Variants in PYGL observed in about 807,000 individuals in gnomAD.
The protein encoded by PYGL is glycogen phosphorylase, liver form.
A neutral mutation model predicts 100.1 loss-of-function variants in PYGL; 90 were observed. The ratio of observed to expected loss-of-function variants is 0.90; its 90% confidence interval spans 0.76 to 1.07. The LOEUF (loss-of-function observed/expected upper bound fraction) is 1.07. Ranked by LOEUF, PYGL falls within the 50% of genes least tolerant of loss-of-function variation. The pLI, the probability that PYGL is intolerant of heterozygous loss-of-function variation, is 0.00. For synonymous variants in PYGL, 373 were observed against 393.0 expected (o/e 0.95, Z 0.60); for missense variants, 1,016 against 1,057.6 (o/e 0.96, Z 0.55).
In PYGL at chr14:50,908,286, C is replaced by G. The variant is rs757221675; in HGVS notation, c.2364G>C (p.Val788=). ...YEAYVKCQDK[V]SQLYMNPKAW... is the part of the protein sequence containing the mutation. ...ATTTACTCACCATGTACAGCTGACTCACTTTATCTTGACACTTGACATAGG... is the reference window on the plus strand; with the variant it reads ...ATTTACTCACCATGTACAGCTGACTGACTTTATCTTGACACTTGACATAGG... Residue 788 remains valine (V), a synonymous_variant, in exon 19 of 20, where the codon GTG becomes GTC. Coordinates refer to ENST00000216392, the MANE Select transcript of PYGL (RefSeq NM_002863.5). 6.3e-7 allele frequency: 1 copy of G among 1,598,394 alleles called. No homozygotes were observed. Among genetic ancestry groups the G allele is most frequent in the Non-Finnish European group, 8.6e-7 (1 of 1,165,722 alleles).
chr14:50,909,916 ACAT>A lies in PYGL; in HGVS notation c.2153_2155del (p.Asp718del), dbSNP rs1259573416. The A allele has an allele frequency of 1.2e-6, 2 of 1,614,068 alleles. No individual in the cohort carries two copies. The highest frequency in any genetic ancestry group is 2.7e-5 in the African/African-American group (2 of 74,926). ...TTACCCTTTCTTGTCCAAAGCAGCC[ACAT>A]CATCTATCCTCATGCCAAAGATGAA... On this transcript the variant is annotated inframe_deletion, in exon 17 of 20. Transcript: ENST00000216392.
chr14:50,935,075 A>G (rs1195939212), intron 3 of PYGL, 32 bp downstream of exon 3: 2 of 1,571,400 alleles, frequency 1.3e-6, no homozygotes, highest in Non-Finnish European at 1.8e-6. Flanking sequence ...TCAATCGGCC[A>G]GACAATATAA....
In PYGL at chr14:50,923,966, T is replaced by C. The variant is rs770244395; in HGVS notation, c.660+3A>G. On this transcript the variant is annotated splice_donor_region_variant and intron_variant, in intron 5 of 19. Transcript: ENST00000216392. Reference sequence around the variant, plus strand: ...ACGCTGGCTATACGAGCACTCTGAATACTTGAGTGTCAATCCACTTGGTCC... The same window carrying C: ...ACGCTGGCTATACGAGCACTCTGAACACTTGAGTGTCAATCCACTTGGTCC... The C allele has an allele frequency of 2.5e-6, 4 of 1,613,526 alleles. No individual in the cohort carries two copies. The highest frequency in any genetic ancestry group is 3.4e-6 in the Non-Finnish European group (4 of 1,179,442).
At chr14:50,915,178 C>CTTT (rs71121612) in intron 11 of PYGL, 158 bp downstream of exon 11, 38 of 791,440 alleles carry the variant, frequency 4.8e-5, no homozygotes, top group African/African-American at 1.3e-4. Flanking sequence ...CTTTTCTTTT[C>CTTT]TTTTTTTTTT....
rs1385869012 is a variant in PYGL, at chr14:50,918,399, G to A, written c.856-1294C>T. Among the ~76,000 whole-genome samples the A allele has an allele frequency of 2.6e-5, 4 of 152,174 alleles. 1 individual carries two copies. The highest frequency in any genetic ancestry group is 9.7e-5 in the African/African-American group (4 of 41,434). On this transcript the variant is annotated intron_variant, in intron 7 of 19. Coordinates refer to ENST00000216392, the MANE Select transcript of PYGL (RefSeq NM_002863.5). The stretch of plus-strand genomic sequence containing the variant: ...CATGTACACACACACGTTTATAGCA[G>A]CACAATTCGCAATTACAAAGATGTG...
chr14:50,937,056 A>G (rs964552757), intron 2 of PYGL, among the ~76,000 whole-genome samples: 2 of 152,342 alleles, frequency 1.3e-5, no homozygotes, highest in African/African-American at 4.8e-5. Context: ...CCCATGGCAA[A>G]GGAAATGAAA....
At chr14:50,933,767 C>T (rs557671290) in intron 3 of PYGL, among the ~76,000 whole-genome samples, 4 of 151,550 alleles carry the variant, frequency 2.6e-5, no homozygotes, top group South Asian at 2.1e-4. Flanking sequence ...CACATATATA[C>T]ACACACACAC....
At chr14:50,920,088 C>T (rs1369092805) in intron 7 of PYGL, among the ~76,000 whole-genome samples, 1 of 151,926 alleles carries the variant, frequency 6.6e-6, no homozygotes, top group Non-Finnish European at 1.5e-5. Context: ...GATGTTTGTT[C>T]ATGGGTCTGC....
chr14:50,935,074 C>T, intron 3 of PYGL, 33 bp downstream of exon 3: 1 of 1,568,050 alleles, frequency 6.4e-7, no homozygotes, highest in Non-Finnish European at 8.8e-7. Context: ...TTCAATCGGC[C>T]AGACAATATA....
At chr14:50,914,606 G>T in intron 12 of PYGL, 95 bp downstream of exon 12, 1 of 1,030,090 alleles carries the variant, frequency 9.7e-7, no homozygotes, top group Non-Finnish European at 1.5e-6. Context: ...GAGGAAGCCA[G>T]CCCTGCTGCA....
At chr14:50,911,009 CAG>C (rs2050391117) in intron 16 of PYGL, among the ~76,000 whole-genome samples, 1 of 152,206 alleles carries the variant, frequency 6.6e-6, no homozygotes, top group African/African-American at 2.4e-5. Context: ...TCCCTTTATG[CAG>C]AGAGTTCTTA....
Position 50,924,099 on chromosome 14 carries a change from A to G in PYGL, c.530T>C (p.Val177Ala). The stretch of plus-strand genomic sequence containing the variant: ...TCTGAGCCAATCATCTGCTTCTTCT[A>G]CCTGCAAAAGGATACAGTATTGCTT... ...FNQKIRDGWQ[V>A]EEADDWLRYG... The change falls in exon 5 of 20, where the codon GTA becomes GCA. Residue 177 changes from valine to alanine, a missense_variant and splice_region_variant. Physicochemically the swap from Val to Ala is moderately conservative, Grantham distance 64. Coordinates refer to ENST00000216392, the MANE Select transcript of PYGL (RefSeq NM_002863.5). 6.2e-7 allele frequency: 1 copy of G among 1,613,588 alleles called. No individual in the cohort carries two copies. The highest frequency in any genetic ancestry group is 8.5e-7 in the Non-Finnish European group (1 of 1,179,604).
At position 50,931,660 on chromosome 14, in the gene PYGL, A is replaced by G; in HGVS notation, c.528+13T>C. ...TACCTTAATGACAAAATTTAAAAAG[A>G]TGGCTCACACACCTGCCATCCATCT... On this transcript the variant is annotated intron_variant, in intron 4 of 19. Transcript: ENST00000216392. 1 of 1,604,106 alleles carries G rather than the reference A, an allele frequency of 6.2e-7. No homozygotes were observed. Among genetic ancestry groups the G allele is most frequent in the Non-Finnish European group, 8.5e-7 (1 of 1,171,044 alleles).
At chr14:50,911,608 CA>C in intron 16 of PYGL, 121 bp downstream of exon 16, 1 of 1,321,244 alleles carries the variant, frequency 7.6e-7, no homozygotes, top group Non-Finnish European at 1.1e-6. Context: ...CCTTATTCTG[CA>C]CAAGAGTGAC....
intron 19 of PYGL, among the ~76,000 whole-genome samples, chr14:50,905,857 A>G (rs2050330488): frequency 3.3e-5 from 5 of 152,376 alleles, no homozygotes; most frequent in African/African-American, 1.2e-4. Context: ...CATGTAAGCC[A>G]TATTTCCCAT....
At chr14:50,916,224 G>A (rs991514051) in intron 9 of PYGL, among the ~76,000 whole-genome samples, 1 of 152,216 alleles carries the variant, frequency 6.6e-6, no homozygotes, top group African/African-American at 2.4e-5. Flanking sequence ...CTATCCTTAT[G>A]TGTCTTTCAC....
intron 5 of PYGL, chr14:50,923,502 G>A (rs1450858174): frequency 6.0e-6 from 1 of 165,962 alleles, no homozygotes; most frequent in East Asian, 1.8e-4. Context: ...TGGCCAGGCT[G>A]GTCTTGAACT....
chr14:50,905,280 C>A lies in PYGL; in HGVS notation c.*112G>T. 8.7e-7 allele frequency: 1 copy of A among 1,146,610 alleles called. No homozygotes were observed. The highest frequency in any genetic ancestry group is 2.4e-5 in the East Asian group (1 of 41,826). The allele number at this position is 1,146,610 out of a possible 1,614,324, so 71.0% of individuals were successfully genotyped here. A position where few individuals can be genotyped will look rare whatever the true frequency, so the allele number is the denominator to read the frequency against. The stretch of plus-strand genomic sequence containing the variant: ...TACATATAATTTCCCTCCCCATTCC[C>A]AGAGATACTCAACTATTATAGATTA... On this transcript the variant is annotated 3_prime_UTR_variant, in exon 20 of 20. Coordinates refer to ENST00000216392, the MANE Select transcript of PYGL (RefSeq NM_002863.5).
intron 18 of PYGL, 127 bp downstream of exon 18, chr14:50,908,694 A>T (rs1260434745): frequency 7.5e-7 from 1 of 1,341,122 alleles, no homozygotes; most frequent in African/African-American, 1.5e-5. Context: ...GCTAATCTAC[A>T]TGAGTGGGTT....
Sources: allele counts gnomAD v4.1 joint callset (sites outside exome capture counted in the v4.1 genomes callset), GRCh38; gene constraint gnomAD v4.1.1; transcripts MANE v1.5; gene names NCBI Gene and HGNC (gene_info 2026-07-23, HGNC 2026-07-21).